Variants in SHROOM3 observed in about 807,000 individuals in gnomAD.
SHROOM3 encodes protein Shroom3.
A neutral mutation model predicts 138.6 loss-of-function variants in SHROOM3; 47 were observed. The observed-to-expected ratio is 0.34, with a 90% CI of 0.27 to 0.43. The LOEUF (loss-of-function observed/expected upper bound fraction) is 0.43. SHROOM3 is among the 20% of genes least tolerant of loss of function. The pLI is 1.00. For synonymous variants in SHROOM3, 1,062 were observed against 1,063.3 expected, an observed-to-expected ratio of 1.00 and a Z score of 0.02; for missense variants, 2,491 against 2,596.5, an observed-to-expected ratio of 0.96 and a Z score of 0.88.
rs368614690 is a variant in SHROOM3, at chr4:76,531,658, G to A, written c.169-23951G>A. Among the ~76,000 whole-genome samples, 13 of 152,302 alleles carry A rather than the reference G, an allele frequency of 8.5e-5. 2 individuals carry two copies. The highest frequency in any genetic ancestry group is 3.1e-4 in the African/African-American group (13 of 41,560). ...TGATCTCTGCAAGGTGTTCAGCACA[G>A]CACTTAGTAAGTGATTACCAAATGA... On this transcript the variant is annotated intron_variant, in intron 1 of 10. Coordinates refer to ENST00000296043, the MANE Select transcript of SHROOM3 (RefSeq NM_020859.4).
chr4:76,625,128 C>T (rs1335074342), intron 2 of SHROOM3, among the ~76,000 whole-genome samples: 1 of 152,106 alleles, frequency 6.6e-6, no homozygotes, highest in East Asian at 1.9e-4. Context: ...AGATGATCAG[C>T]CAAATCTTTG....
At chr4:76,522,631 T>TA (rs1269829868) in intron 1 of SHROOM3, among the ~76,000 whole-genome samples, 5 of 151,968 alleles carry the variant, frequency 3.3e-5, no homozygotes, top group East Asian at 3.9e-4. Context: ...CCATCTCTAC[T>TA]AAAAATACAA....
At position 76,738,998 on chromosome 4, in the gene SHROOM3, T is replaced by G; in HGVS notation, c.825T>G (p.Pro275=). ...TSSSILEYPH[P]GISGRERSGS... is the part of the protein sequence containing the mutation. ...CTAGCATCCTAGAGTATCCACACCC[T>G]GGCATCTCTGGCCGGGAGCGTTCAG... The change falls in exon 5 of 11, where the codon CCT becomes CCG. Residue 275 remains proline, a synonymous_variant. Coordinates refer to ENST00000296043, the MANE Select transcript of SHROOM3 (RefSeq NM_020859.4). 1 of 1,614,170 alleles carries G rather than the reference T, an allele frequency of 6.2e-7. No individual in the cohort carries two copies. The highest frequency in any genetic ancestry group is 8.5e-7 in the Non-Finnish European group (1 of 1,180,010).
chr4:76,529,946 T>C (rs1732796583), intron 1 of SHROOM3, among the ~76,000 whole-genome samples: 1 of 152,232 alleles, frequency 6.6e-6, no homozygotes, highest in Admixed American at 6.5e-5. Context: ...AGTGATTTTC[T>C]CAGCTTTAGC....
intron 1 of SHROOM3, among the ~76,000 whole-genome samples, chr4:76,554,581 G>C (rs1733440722): frequency 1.3e-5 from 2 of 151,840 alleles, no homozygotes; most frequent in African/African-American, 4.8e-5. Flanking sequence ...CACCATGCCT[G>C]GCTAATTTTT....
intron 2 of SHROOM3, among the ~76,000 whole-genome samples, chr4:76,587,421 T>G (rs1734178244): frequency 6.6e-6 from 1 of 152,178 alleles, no homozygotes; most frequent in East Asian, 1.9e-4. Flanking sequence ...AGACTACTTT[T>G]CCCACCTCAT....
At chr4:76,697,087 A>ATTTTTTTT (rs1163545473) in intron 2 of SHROOM3, among the ~76,000 whole-genome samples, 1 of 135,790 alleles carries the variant, frequency 7.4e-6, no homozygotes, top group African/African-American at 2.7e-5. Context: ...CAGCTAATTA[A>ATTTTTTTT]TTTTTTTTTT....
intron 3 of SHROOM3, among the ~76,000 whole-genome samples, chr4:76,716,896 GACTTTC>G (rs1720392307): frequency 6.6e-6 from 1 of 152,072 alleles, no homozygotes. Context: ...TATTTTATTT[GACTTTC>G]ACTTATTCCT....
intron 2 of SHROOM3, among the ~76,000 whole-genome samples, chr4:76,598,168 AG>A (rs1448054630): frequency 6.6e-6 from 1 of 151,966 alleles, no homozygotes; most frequent in Non-Finnish European, 1.5e-5. Flanking sequence ...CTGGGACTAC[AG>A]GCGCCTGCCA....
rs1045839648 is a variant in SHROOM3, at chr4:76,782,070, T to C, written c.*2893T>C. 6.6e-6 allele frequency: 1 copy of C among 152,208 alleles called. No individual in the cohort carries two copies. Among genetic ancestry groups the C allele is most frequent in the African/African-American group, 2.4e-5 (1 of 41,450 alleles). The allele number at this position is 152,208 out of a possible 1,614,324, so 9.4% of individuals were successfully genotyped here. A position where few individuals can be genotyped will look rare whatever the true frequency, so the allele number is the denominator to read the frequency against. ...AGAAAATCAGGAGGCCTCCACTTCCTGGGCCACTTGAGAAGTTCCTGGGCA... is the reference window on the plus strand; with the variant it reads ...AGAAAATCAGGAGGCCTCCACTTCCCGGGCCACTTGAGAAGTTCCTGGGCA... On this transcript the variant is annotated 3_prime_UTR_variant, in exon 11 of 11. Transcript: ENST00000296043.
chr4:76,460,377 GAC>G (rs2109975325), intron 1 of SHROOM3, among the ~76,000 whole-genome samples: 1 of 152,206 alleles, frequency 6.6e-6, no homozygotes, highest in Admixed American at 6.5e-5. Context: ...GTTGACAAAA[GAC>G]AAAGACACTA....
intron 1 of SHROOM3, among the ~76,000 whole-genome samples, chr4:76,505,439 C>A (rs1447748689): frequency 6.6e-6 from 1 of 152,148 alleles, no homozygotes; most frequent in Non-Finnish European, 1.5e-5. Context: ...AACACTACAA[C>A]CCTTCTCCAG....
At chr4:76,695,503 T>G (rs1456187475) in intron 2 of SHROOM3, among the ~76,000 whole-genome samples, 1 of 152,228 alleles carries the variant, frequency 6.6e-6, no homozygotes, top group African/African-American at 2.4e-5. Flanking sequence ...TATTTCCTAT[T>G]TCCATTGGCA....
At chr4:76,641,432 A>C (rs919738353) in intron 2 of SHROOM3, among the ~76,000 whole-genome samples, 12 of 152,110 alleles carry the variant, frequency 7.9e-5, no homozygotes, top group African/African-American at 2.9e-4. Context: ...TAATGAAGGC[A>C]AGTAAACACA....
At chr4:76,602,365 A>C (rs886201214) in intron 2 of SHROOM3, among the ~76,000 whole-genome samples, 2 of 152,176 alleles carry the variant, frequency 1.3e-5, no homozygotes, top group African/African-American at 4.8e-5. Flanking sequence ...TTATGTATTT[A>C]TATCTTACAA....
intron 2 of SHROOM3, among the ~76,000 whole-genome samples, chr4:76,646,225 A>AAT (rs371944513): frequency 0.019 from 1,861 of 96,246 alleles, 94 homozygotes; most frequent in African/African-American, 0.047. Flanking sequence ...ATAATAAATA[A>AAT]ATATATATAT....
At chr4:76,493,224 CAAAAA>C (rs35837765) in intron 1 of SHROOM3, among the ~76,000 whole-genome samples, 6 of 56,522 alleles carry the variant, frequency 1.1e-4, no homozygotes, top group Middle Eastern at 8.5e-3. Flanking sequence ...AACTCCATCT[CAAAAA>C]AAAAAAAAAA....
chr4:76,470,606 T>A (rs1045161020), intron 1 of SHROOM3, among the ~76,000 whole-genome samples: 4 of 152,212 alleles, frequency 2.6e-5, no homozygotes, highest in African/African-American at 7.2e-5. Context: ...AAACAGTCTC[T>A]GGAACAGGAT....
At chr4:76,525,515 G>A (rs1732670559) in intron 1 of SHROOM3, among the ~76,000 whole-genome samples, 1 of 152,138 alleles carries the variant, frequency 6.6e-6, no homozygotes. Flanking sequence ...GATTCTAACA[G>A]GTATGTAATG....
Sources: gnomAD v4.1 joint callset for allele counts (sites outside exome capture counted in the v4.1 genomes callset) on GRCh38, gnomAD v4.1.1 for gene constraint, MANE v1.5 for transcripts, NCBI Gene and HGNC (gene_info 2026-07-23, HGNC 2026-07-21) for gene names.